Variants in ANKS1B observed in about 807,000 individuals in gnomAD.
The protein encoded by ANKS1B is ankyrin repeat and sterile alpha motif domain containing 1B.
ANKS1B carries 36 observed loss-of-function variants against 148.3 expected under a neutral mutation model. The observed-to-expected ratio is 0.24, with a 90% CI of 0.19 to 0.32. ANKS1B has a LOEUF of 0.32. ANKS1B is among the 10% of genes least tolerant of loss of function. The pLI, the probability that ANKS1B is intolerant of heterozygous loss-of-function variation, is 1.00. For missense variants in ANKS1B, 1,157 were observed against 1,542.6 expected (o/e 0.75, Z 4.19); for synonymous variants, 542 against 560.8 (o/e 0.97, Z 0.47).
intron 10 of ANKS1B, among the ~76,000 whole-genome samples, chr12:99,468,496 A>G (rs1161085340): frequency 1.3e-5 from 2 of 152,208 alleles, no homozygotes; most frequent in Non-Finnish European, 2.9e-5. Context: ...ATCAGAGTGA[A>G]CAGGCAACCT....
chr12:99,017,760 T>C (rs2099943407), intron 17 of ANKS1B, among the ~76,000 whole-genome samples: 1 of 152,176 alleles, frequency 6.6e-6, no homozygotes, highest in Non-Finnish European at 1.5e-5. Context: ...TCAAATGAAC[T>C]CTTTCTCCAC....
chr12:99,466,986 A>T (rs541367729), intron 10 of ANKS1B, among the ~76,000 whole-genome samples: 111 of 152,274 alleles, frequency 7.3e-4, no homozygotes, highest in African/African-American at 2.5e-3. Flanking sequence ...GACACAACCA[A>T]AAAAGAGAAT....
At chr12:99,541,891 A>C (rs2097130047) in intron 9 of ANKS1B, among the ~76,000 whole-genome samples, 1 of 152,082 alleles carries the variant, frequency 6.6e-6, no homozygotes, top group African/African-American at 2.4e-5. Flanking sequence ...TGATAAAAGC[A>C]CTCAACAAAC....
chr12:99,608,519 G>A (rs1327466238), intron 9 of ANKS1B, among the ~76,000 whole-genome samples: 1 of 152,060 alleles, frequency 6.6e-6, no homozygotes, highest in African/African-American at 2.4e-5. Context: ...CTGTTGTATT[G>A]AAAACTGCAG....
chr12:99,004,388 C>A (rs2099934888), intron 17 of ANKS1B, among the ~76,000 whole-genome samples: 1 of 152,040 alleles, frequency 6.6e-6, no homozygotes, highest in Non-Finnish European at 1.5e-5. Context: ...GTTTGAAAGA[C>A]TAAATGAGAT....
At chr12:99,181,861 A>T (rs1269735917) in intron 14 of ANKS1B, among the ~76,000 whole-genome samples, 1 of 151,924 alleles carries the variant, frequency 6.6e-6, no homozygotes, top group Non-Finnish European at 1.5e-5. Flanking sequence ...TAATTATATA[A>T]CTAATGATAG....
chr12:99,739,030 A>G (rs950922521), intron 8 of ANKS1B, among the ~76,000 whole-genome samples: 1 of 152,086 alleles, frequency 6.6e-6, no homozygotes, highest in African/African-American at 2.4e-5. Flanking sequence ...AGACTTAGGC[A>G]AAGGTTAGGA....
intron 16 of ANKS1B, among the ~76,000 whole-genome samples, chr12:99,069,855 G>A (rs1381635821): frequency 2.0e-5 from 3 of 152,102 alleles, no homozygotes; most frequent in Admixed American, 6.6e-5. Context: ...GTACAGAGAC[G>A]GGGCACTCCA....
chr12:98,763,957 T>G (rs1242659139), intron 25 of ANKS1B, among the ~76,000 whole-genome samples: 2 of 152,228 alleles, frequency 1.3e-5, no homozygotes, highest in Non-Finnish European at 2.9e-5. Flanking sequence ...TTAATAGCAT[T>G]CCAGGTTCCC....
intron 15 of ANKS1B, among the ~76,000 whole-genome samples, chr12:99,088,599 T>C (rs892266947): frequency 1.3e-5 from 2 of 152,132 alleles, no homozygotes; most frequent in African/African-American, 4.8e-5. Context: ...ACTTATAAAA[T>C]TTCTTATTAA....
At chr12:99,026,709 T>C (rs2099948970) in intron 17 of ANKS1B, among the ~76,000 whole-genome samples, 3 of 152,226 alleles carry the variant, frequency 2.0e-5, no homozygotes, top group East Asian at 1.9e-4. Context: ...AGGGAGTCCA[T>C]TGCATTTGCA....
chr12:98,915,286 G>C (rs1003153445), intron 17 of ANKS1B, among the ~76,000 whole-genome samples: 3 of 152,196 alleles, frequency 2.0e-5, no homozygotes, highest in Non-Finnish European at 2.9e-5. Flanking sequence ...AAGCCAAGGA[G>C]AGAGATCTGG....
intron 15 of ANKS1B, among the ~76,000 whole-genome samples, chr12:99,107,904 AC>A (rs1252605758): frequency 9.6e-6 from 1 of 104,182 alleles, no homozygotes; most frequent in Non-Finnish European, 2.3e-5. Context: ...AATAATTAAA[AC>A]AAAGATTTTT....
At chr12:99,872,793 T>C (rs1337300506) in intron 1 of ANKS1B, among the ~76,000 whole-genome samples, 1 of 152,126 alleles carries the variant, frequency 6.6e-6, no homozygotes, top group East Asian at 1.9e-4. Context: ...AATCTATATG[T>C]TAGGTTTACA....
At chr12:98,998,647 T>C (rs986509076) in intron 17 of ANKS1B, among the ~76,000 whole-genome samples, 9 of 152,182 alleles carry the variant, frequency 5.9e-5, no homozygotes, top group African/African-American at 2.2e-4. Flanking sequence ...GGTTAAAAGG[T>C]TGAAATGTAG....
rs1205975419 is a variant in ANKS1B at position 98,943,260 on chromosome 12, A to G, written c.2778+109897T>C. ...GTTCAGCCTTTAATCTACTTCCTTA[A>G]GCATCTGAGGATGTTCCAAACTCAA... On this transcript the variant is annotated intron_variant, in intron 17 of 26. Coordinates refer to ENST00000683438, the MANE Select transcript of ANKS1B (RefSeq NM_001352186.2). 3.3e-5 allele frequency among the ~76,000 whole-genome samples: 5 copies of G among 152,188 alleles called. No individual in the cohort carries two copies. The East Asian group carries it at 9.6e-4, about 29-fold the overall frequency.
chr12:98,998,841 G>A (rs778575352), intron 17 of ANKS1B, among the ~76,000 whole-genome samples: 8 of 152,138 alleles, frequency 5.3e-5, no homozygotes, highest in Non-Finnish European at 8.8e-5. Context: ...GTGATGGAAC[G>A]AGCTCGTTAA....
chr12:99,332,625 T>A (rs1233420734), intron 12 of ANKS1B, among the ~76,000 whole-genome samples: 2 of 150,012 alleles, frequency 1.3e-5, no homozygotes, highest in African/African-American at 4.9e-5. Context: ...TGGAGACATA[T>A]AAGGAAGGTG....
At chr12:98,965,463 T>C (rs934520271) in intron 17 of ANKS1B, among the ~76,000 whole-genome samples, 6 of 152,210 alleles carry the variant, frequency 3.9e-5, no homozygotes, top group African/African-American at 1.2e-4. Flanking sequence ...ATAAATTTAA[T>C]TGGATGTGAA....
Sources: allele counts gnomAD v4.1 joint callset (sites outside exome capture counted in the v4.1 genomes callset), GRCh38; gene constraint gnomAD v4.1.1; transcripts MANE v1.5; gene names NCBI Gene and HGNC (gene_info 2026-07-23, HGNC 2026-07-21).